Variants in GGT5 observed in about 807,000 individuals in gnomAD.
The protein encoded by GGT5 is gamma-glutamyltransferase 5.
In GGT5, 50 loss-of-function variants were observed where a neutral mutation model predicts 58.1. The ratio of observed to expected loss-of-function variants is 0.86; its 90% CI spans 0.69 to 1.09. The LOEUF (loss-of-function observed/expected upper bound fraction) is 1.09. GGT5 is among the 50% of genes least tolerant of loss of function. The pLI is 0.00. For missense variants in GGT5, 800 were observed against 789.4 expected (o/e 1.01, Z -0.16); for synonymous variants, 370 against 346.1 (o/e 1.07, Z -0.77).
intron 7 of GGT5, 83 bp downstream of exon 7, chr22:24,226,548 A>G (rs1569356965): frequency 7.0e-7 from 1 of 1,435,826 alleles, no homozygotes; most frequent in Non-Finnish European, 9.7e-7. Flanking sequence ...ACTTCCCCCT[A>G]CCAGGCCTGA....
chr22:24,225,799 G>A (rs1286126192), intron 8 of GGT5, 147 bp from the exon 9 acceptor site: 4 of 655,112 alleles, frequency 6.1e-6, no homozygotes, highest in Non-Finnish European at 1.1e-5. Context: ...CACCACCCAG[G>A]AGGGGTCCCC....
chr22:24,234,316 A>G (rs190014409), intron 1 of GGT5, among the ~76,000 whole-genome samples: 3 of 152,332 alleles, frequency 2.0e-5, no homozygotes, highest in Admixed American at 2.0e-4. Context: ...CTACAGGCAG[A>G]ACGAGGCCTC....
rs1275896212 is a variant in GGT5 at position 24,231,383 on chromosome 22, C to T, written c.901+1G>A. On this transcript the variant is annotated splice_donor_variant, in intron 6 of 11. Transcript: ENST00000327365. LOFTEE classifies it high-confidence loss of function. ...GCCAGGGCTCTGGGCAGGGGCTTTA[C>T]CTCTTAGCACGTTGAGGATAAAGCT... 6.5e-7 allele frequency: 1 copy of T among 1,545,782 alleles called. No homozygotes were observed.
In GGT5 at chr22:24,244,626, C is replaced by T. The variant is rs370147620; in HGVS notation, c.100G>A (p.Ala34Thr). ...GCAAAGGCCTGGGGGCCACATGGGG[C>T]CTGGTGTCGAGAGAGGACCACAGCC... is the stretch of plus-strand genomic sequence containing the variant. Reference protein sequence around the residue: ...VLAVVLSRHQAPCGPQAFAHA... With the variant: ...VLAVVLSRHQTPCGPQAFAHA... Residue 34 changes from alanine (A) to threonine (T), a missense_variant, in exon 1 of 12, where the codon GCC becomes ACC. By Grantham distance (58) the Ala-to-Thr change is moderately conservative. Coordinates refer to ENST00000327365, the MANE Select transcript of GGT5 (RefSeq NM_004121.5). The T allele has an allele frequency of 8.1e-6, 13 of 1,612,666 alleles. No homozygotes were observed. The highest frequency in any genetic ancestry group is 1.3e-5 in the African/African-American group (1 of 74,896).
At chr22:24,236,762 C>A (rs1448819208) in intron 1 of GGT5, among the ~76,000 whole-genome samples, 116 of 133,636 alleles carry the variant, frequency 8.7e-4, no homozygotes, top group Admixed American at 1.1e-3. Context: ...GACTCCATCT[C>A]AAAAAAAAAA....
intron 1 of GGT5, among the ~76,000 whole-genome samples, chr22:24,236,762 C>CAAAA (rs35357003): frequency 3.7e-5 from 5 of 133,694 alleles, no homozygotes; most frequent in African/African-American, 1.1e-4. Context: ...GACTCCATCT[C>CAAAA]AAAAAAAAAA....
intron 6 of GGT5, among the ~76,000 whole-genome samples, chr22:24,228,333 C>T (rs74278299): frequency 1.3e-5 from 2 of 152,124 alleles, no homozygotes; most frequent in East Asian, 3.9e-4. Flanking sequence ...ACAAGAAGGC[C>T]ATCACAATCT....
intron 6 of GGT5, among the ~76,000 whole-genome samples, chr22:24,230,372 G>GA (rs948024670): frequency 9.8e-4 from 76 of 77,460 alleles, no homozygotes; most frequent in Admixed American, 1.9e-3. Flanking sequence ...TGTCTAAAAA[G>GA]AAAAAAAAAA....
intron 2 of GGT5, 27 bp from the exon 3 acceptor site, chr22:24,233,620 G>T: frequency 7.2e-7 from 1 of 1,394,534 alleles, no homozygotes; most frequent in Non-Finnish European, 1.0e-6. Flanking sequence ...CAGGTGAGTG[G>T]TCATGGACCC....
At chr22:24,244,369 A>C in intron 1 of GGT5, 184 bp downstream of exon 1, 1 of 613,560 alleles carries the variant, frequency 1.6e-6, no homozygotes, top group Non-Finnish European at 2.9e-6. Context: ...ACACACACCC[A>C]CACTCCCCAC....
intron 6 of GGT5, among the ~76,000 whole-genome samples, chr22:24,230,104 A>G (rs2047894096): frequency 6.6e-6 from 1 of 152,258 alleles, no homozygotes. Context: ...GCGGTGGCTC[A>G]TGCCTGTAAT....
At chr22:24,226,578 C>T in intron 7 of GGT5, 53 bp downstream of exon 7, 1 of 1,595,432 alleles carries the variant, frequency 6.3e-7, no homozygotes, top group Non-Finnish European at 8.6e-7. Flanking sequence ...CATGCCAAGT[C>T]CTGAGCCAGG....
In GGT5 at chr22:24,244,596, C is replaced by G; in HGVS notation, c.130G>C (p.Ala44Pro). ...ACCTTGGAGTCGGCGGCAACAGCAG[C>G]GTGGGCAAAGGCCTGGGGGCCACAT... ...APCGPQAFAH[A>P]AVAADSKVCS... is the part of the protein sequence containing the mutation. The change falls in exon 1 of 12, where the codon GCT becomes CCT. Residue 44 changes from alanine to proline, a missense_variant. Transcript: ENST00000327365. The G allele has an allele frequency of 1.2e-6, 2 of 1,612,584 alleles. No homozygotes were observed. The highest frequency in any genetic ancestry group is 1.7e-6 in the Non-Finnish European group (2 of 1,179,880).
At chr22:24,220,601 A>C (rs1475533373) in intron 11 of GGT5, 2 of 452,068 alleles carry the variant, frequency 4.4e-6, no homozygotes, top group Non-Finnish European at 8.8e-6. Flanking sequence ...AATAAAAAAT[A>C]AGAAATAAAA....
intron 6 of GGT5, among the ~76,000 whole-genome samples, 175 bp from the exon 7 acceptor site, chr22:24,226,942 ATTTTTTTTTTTTTT>A (rs34544519): frequency 2.7e-5 from 3 of 109,294 alleles, no homozygotes; most frequent in Non-Finnish European, 3.6e-5. Context: ...TAAGTTAAGG[ATTTTTTTTTTTTTT>A]TTTTTTTTTT....
At position 24,244,635 on chromosome 22, in the gene GGT5, G is replaced by C. The variant is rs1431788632; in HGVS notation, c.91C>G (p.Arg31Gly). Residue 31 changes from arginine (R) to glycine (G), a missense_variant, in exon 1 of 12, where the codon CGA becomes GGA. Physicochemically the swap from Arg to Gly is moderately radical, Grantham distance 125. Transcript: ENST00000327365. ...AVIVLAVVLS[R>G]HQAPCGPQAF... ...TGGGGGCCACATGGGGCCTGGTGTC[G>C]AGAGAGGACCACAGCCAGCACAATG... 1.2e-6 allele frequency: 2 copies of C among 1,612,720 alleles called. No individual in the cohort carries two copies. Among genetic ancestry groups the C allele is most frequent in the African/African-American group, 1.3e-5 (1 of 74,894 alleles).
intron 1 of GGT5, among the ~76,000 whole-genome samples, chr22:24,237,074 C>T (rs953870254): frequency 1.4e-5 from 2 of 146,542 alleles, no homozygotes; most frequent in African/African-American, 5.0e-5. Context: ...ATGGCAAAAA[C>T]CGCAATTACT....
intron 6 of GGT5, among the ~76,000 whole-genome samples, chr22:24,229,322 G>T (rs965412638): frequency 6.6e-6 from 1 of 151,080 alleles, no homozygotes; most frequent in Middle Eastern, 3.5e-3. Context: ...CAGGAAAATC[G>T]CTTGAACCCA....
intron 11 of GGT5, chr22:24,220,628 G>A (rs2047562113): frequency 4.4e-6 from 2 of 454,752 alleles, no homozygotes; most frequent in Non-Finnish European, 8.8e-6. Context: ...CAGGCGTGGT[G>A]GCACATACCT....
Sources: gnomAD v4.1 joint callset for allele counts (sites outside exome capture counted in the v4.1 genomes callset) on GRCh38, gnomAD v4.1.1 for gene constraint, MANE v1.5 for transcripts, NCBI Gene and HGNC (gene_info 2026-07-23, HGNC 2026-07-21) for gene names.